Variants in EXT2 observed in about 807,000 individuals in gnomAD.
EXT2 encodes exostosin glycosyltransferase 2.
EXT2 carries 53 observed loss-of-function variants against 81.6 expected under a neutral mutation model. That is an observed-to-expected ratio of 0.65 (90% CI 0.52 to 0.82). EXT2 has a LOEUF of 0.82. EXT2 is among the 40% of genes least tolerant of loss of function. The pLI is 0.00. For synonymous variants in EXT2, 320 were observed against 340.0 expected, an observed-to-expected ratio of 0.94 and a Z score of 0.65; for missense variants, 774 against 910.2, an observed-to-expected ratio of 0.85 and a Z score of 1.93.
At chr11:44,155,946 T>C (rs1397572917) in intron 7 of EXT2, among the ~76,000 whole-genome samples, 1 of 152,188 alleles carries the variant, frequency 6.6e-6, no homozygotes, top group Non-Finnish European at 1.5e-5. Flanking sequence ...TCCCTCAGCC[T>C]TTGTTTGTCC....
intron 10 of EXT2, among the ~76,000 whole-genome samples, chr11:44,224,861 C>T (rs1471652685): frequency 1.3e-5 from 2 of 152,156 alleles, no homozygotes; most frequent in Non-Finnish European, 2.9e-5. Flanking sequence ...AGTTGAGCCT[C>T]ACCAAAATCA....
chr11:44,218,605 A>C (rs1327802824), intron 10 of EXT2, among the ~76,000 whole-genome samples: 1 of 152,082 alleles, frequency 6.6e-6, no homozygotes, highest in African/African-American at 2.4e-5. Flanking sequence ...GGATTGAAGA[A>C]CCAAGGAGAA....
intron 9 of EXT2, among the ~76,000 whole-genome samples, chr11:44,201,834 A>G (rs1955525547): frequency 6.6e-6 from 1 of 152,138 alleles, no homozygotes; most frequent in Non-Finnish European, 1.5e-5. Context: ...CCAGAATCAA[A>G]ATTCCATATC....
intron 7 of EXT2, among the ~76,000 whole-genome samples, chr11:44,165,282 C>T (rs555130088): frequency 7.9e-5 from 12 of 152,290 alleles, no homozygotes; most frequent in African/African-American, 2.9e-4. Context: ...GTGGTGCTTT[C>T]GTACATTGCC....
At chr11:44,221,706 A>G (rs1955783619) in intron 10 of EXT2, among the ~76,000 whole-genome samples, 1 of 152,222 alleles carries the variant, frequency 6.6e-6, no homozygotes, top group African/African-American at 2.4e-5. Flanking sequence ...AGGGTAAATC[A>G]GAGCAGCCCC....
At chr11:44,146,053 G>T (rs1200524113) in intron 7 of EXT2, among the ~76,000 whole-genome samples, 1 of 152,210 alleles carries the variant, frequency 6.6e-6, no homozygotes, top group Admixed American at 6.5e-5. Flanking sequence ...CAACGAGTTG[G>T]CAGGGAGGGT....
At chr11:44,186,187 A>G (rs1405425405) in intron 8 of EXT2, among the ~76,000 whole-genome samples, 1 of 152,264 alleles carries the variant, frequency 6.6e-6, no homozygotes, top group Non-Finnish European at 1.5e-5. Flanking sequence ...TTAACATATC[A>G]AATTATAAAC....
chr11:44,178,026 T>C (rs1026994337), intron 8 of EXT2, among the ~76,000 whole-genome samples: 2 of 152,202 alleles, frequency 1.3e-5, no homozygotes, highest in Non-Finnish European at 1.5e-5. Context: ...TAAGCCTCAG[T>C]CTAGCTCTAG....
intron 9 of EXT2, chr11:44,198,236 G>A (rs1955481870): frequency 3.4e-6 from 2 of 591,260 alleles, no homozygotes; most frequent in East Asian, 2.9e-5. Context: ...TGAGGGCTTA[G>A]GAATCAACAG....
intron 8 of EXT2, among the ~76,000 whole-genome samples, chr11:44,190,588 A>G (rs1955379034): frequency 6.6e-6 from 1 of 152,248 alleles, no homozygotes; most frequent in African/African-American, 2.4e-5. Flanking sequence ...ATAGTGACAA[A>G]AAATCTCTGA....
intron 8 of EXT2, among the ~76,000 whole-genome samples, chr11:44,188,459 G>A (rs1283177478): frequency 6.6e-6 from 1 of 152,012 alleles, no homozygotes; most frequent in East Asian, 1.9e-4. Context: ...ACCCCCACAT[G>A]GATTCATACT....
rs1954181885 is a variant in EXT2 at position 44,113,928 on chromosome 11, G to C, written c.627-257G>C. On this transcript the variant is annotated intron_variant, in intron 3 of 13. Coordinates refer to ENST00000533608, the MANE Select transcript of EXT2 (RefSeq NM_207122.2). The stretch of plus-strand genomic sequence containing the variant: ...AGAGGCTGTCCGTAAGGTGTCCTCT[G>C]GACTATGATGTGTTTCAAAAACTGG... Among the ~76,000 whole-genome samples, 2 of 152,092 alleles carry C rather than the reference G, an allele frequency of 1.3e-5. 1 individual carries two copies. Among genetic ancestry groups the C allele is most frequent in the South Asian group, 4.1e-4 (2 of 4,820 alleles).
At chr11:44,143,774 A>G (rs772122588) in intron 7 of EXT2, among the ~76,000 whole-genome samples, 3 of 152,198 alleles carry the variant, frequency 2.0e-5, no homozygotes, top group Non-Finnish European at 2.9e-5. Flanking sequence ...AGGAATGTGT[A>G]GTAATAATAG....
intron 10 of EXT2, among the ~76,000 whole-genome samples, chr11:44,215,320 C>G (rs957986457): frequency 6.6e-6 from 1 of 152,112 alleles, no homozygotes; most frequent in African/African-American, 2.4e-5. Context: ...TCTTTAAGCT[C>G]AAAATATTTT....
chr11:44,096,317 A>T (rs1360645499), intron 1 of EXT2: 3 of 1,535,476 alleles, frequency 2.0e-6, no homozygotes, highest in South Asian at 2.4e-5. Flanking sequence ...AAGCCGTGGG[A>T]CGAGGTAGGG....
At chr11:44,199,025 C>T (rs899126120) in intron 9 of EXT2, among the ~76,000 whole-genome samples, 2 of 152,144 alleles carry the variant, frequency 1.3e-5, no homozygotes, top group African/African-American at 4.8e-5. Context: ...CATATGCTTT[C>T]TTTTTAGATT....
chr11:44,198,208 T>C, intron 9 of EXT2, 190 bp downstream of exon 9: 3 of 644,490 alleles, frequency 4.7e-6, no homozygotes, highest in Non-Finnish European at 8.3e-6. Flanking sequence ...CCTGGCATAC[T>C]CTGTAGCCAC....
In EXT2 at chr11:44,162,022, A is replaced by G. The variant is rs118175491; in HGVS notation, c.1174-9589A>G. Among the ~76,000 whole-genome samples the G allele has an allele frequency of 7.4e-3, 1,129 of 152,348 alleles. 5 individuals are homozygous for G. Among genetic ancestry groups the G allele is most frequent in the Non-Finnish European group, 0.012 (815 of 68,036 alleles). The stretch of plus-strand genomic sequence containing the variant: ...AGCTGACATGACAAGTAAATGCACT[A>G]TGGTGTCCTGGATTAGATCCTGGAA... On this transcript the variant is annotated intron_variant, in intron 7 of 13. Coordinates refer to ENST00000533608, the MANE Select transcript of EXT2 (RefSeq NM_207122.2).
chr11:44,234,853 C>T (rs1955942468), intron 12 of EXT2, among the ~76,000 whole-genome samples: 1 of 152,150 alleles, frequency 6.6e-6, no homozygotes, highest in Non-Finnish European at 1.5e-5. Flanking sequence ...AGAGAAGGTA[C>T]ACTTCTTTAT....
Sources: allele counts gnomAD v4.1 joint callset (sites outside exome capture counted in the v4.1 genomes callset), GRCh38; gene constraint gnomAD v4.1.1; transcripts MANE v1.5; gene names NCBI Gene and HGNC (gene_info 2026-07-23, HGNC 2026-07-21).